NEURL1B: variants seen among roughly 807,000 people sequenced by gnomAD.
NEURL1B encodes neuralized E3 ubiquitin protein ligase 1B.
In NEURL1B, 13 loss-of-function variants were observed where a neutral mutation model predicts 37.4. The ratio of observed to expected loss-of-function variants is 0.35; its 90% CI spans 0.23 to 0.55. NEURL1B has a LOEUF of 0.55. NEURL1B is among the 20% of genes least tolerant of loss of function. The pLI is 0.89. For synonymous variants in NEURL1B, 432 were observed against 426.6 expected (o/e 1.01, Z -0.16); for missense variants, 790 against 879.2 (o/e 0.90, Z 1.28).
intron 2 of NEURL1B, 116 bp downstream of exon 2, chr5:172,670,446 ACT>A: frequency 1.2e-6 from 1 of 833,148 alleles, no homozygotes; most frequent in Non-Finnish European, 1.6e-6. Context: ...CAGGCGTGGC[ACT>A]AAGCGCTTTA....
chr5:172,674,139 CAAAA>C (rs112362262), intron 2 of NEURL1B, among the ~76,000 whole-genome samples: 1 of 144,394 alleles, frequency 6.9e-6, no homozygotes, highest in African/African-American at 2.5e-5. Flanking sequence ...AACTCCATCT[CAAAA>C]AAAAAAAATT....
intron 3 of NEURL1B, 91 bp downstream of exon 3, chr5:172,684,229 C>T (rs76010719): frequency 0.13 from 143,249 of 1,069,836 alleles, 10,390 homozygotes; most frequent in East Asian, 0.25. Flanking sequence ...CCCCGCCCCT[C>T]TCGCTAGGCG....
rs1004356083 is a variant in NEURL1B at position 172,687,075 on chromosome 5, A to G, written c.*150A>G. ...GTGACAGTCGTGGAGCGAGGCCCAC[A>G]GGGCCTCAGCCCAGGCAGGGGTTGC... On this transcript the variant is annotated 3_prime_UTR_variant, in exon 5 of 5. Transcript: ENST00000369800. 21 of 937,864 alleles carry G rather than the reference A, an allele frequency of 2.2e-5. No homozygotes were observed. The highest frequency in any genetic ancestry group is 1.3e-4 in the African/African-American group (8 of 60,224). 58.1% of individuals were successfully genotyped at this position (937,864 alleles called of 1,614,324 possible).
chr5:172,687,510 G>A lies in NEURL1B; in HGVS notation c.*585G>A, dbSNP rs1269890977. 6.6e-6 allele frequency: 1 copy of A among 152,576 alleles called. No individual in the cohort carries two copies. Among genetic ancestry groups the A allele is most frequent in the Non-Finnish European group, 1.5e-5 (1 of 68,416 alleles). The allele number at this position is 152,576 out of a possible 1,614,324, so 9.5% of individuals were successfully genotyped here. A position where few individuals can be genotyped will look rare whatever the true frequency, so the allele number is the denominator to read the frequency against. On this transcript the variant is annotated 3_prime_UTR_variant, in exon 5 of 5. Transcript: ENST00000369800. ...AAGAGATGCTCAGATTTTCTAAGGG[G>A]AGGCAAAAATAACTCATTGTTTACA...
At chr5:172,668,557 A>C (rs1758059143) in intron 1 of NEURL1B, among the ~76,000 whole-genome samples, 1 of 151,466 alleles carries the variant, frequency 6.6e-6, no homozygotes, top group Non-Finnish European at 1.5e-5. Context: ...AAACCCCCCC[A>C]CTTCCACTCT....
chr5:172,677,309 C>T (rs989617962), intron 2 of NEURL1B, among the ~76,000 whole-genome samples: 6 of 152,178 alleles, frequency 3.9e-5, no homozygotes, highest in Non-Finnish European at 8.8e-5. Context: ...GCGAGACCGC[C>T]GCTGCATGGC....
intron 1 of NEURL1B, among the ~76,000 whole-genome samples, chr5:172,642,414 A>G (rs1757481677): frequency 6.6e-6 from 1 of 152,154 alleles, no homozygotes; most frequent in Non-Finnish European, 1.5e-5. Flanking sequence ...GGGCCTTTGT[A>G]GCATCCTTTG....
rs1399179865 is a variant in NEURL1B at position 172,683,320 on chromosome 5, G to T, written c.578-99G>T. On this transcript the variant is annotated intron_variant, in intron 2 of 4. Transcript: ENST00000369800. This position sits in a 1 kb window ranked among gnomAD's most constrained non-coding sequence, Gnocchi z 5.6. ...GTGGGGGCTGCTCGAGGCCCGGGTC[G>T]GTCGTGGAGGCCTGCAGGAGGCAGC... 2.4e-6 allele frequency: 3 copies of T among 1,229,176 alleles called. No individual in the cohort carries two copies. Among genetic ancestry groups the T allele is most frequent in the South Asian group, 3.2e-5 (1 of 31,670 alleles). The allele number at this position is 1,229,176 out of a possible 1,614,324, so 76.1% of individuals were successfully genotyped here.
chr5:172,661,361 T>C lies in NEURL1B; in HGVS notation c.32-8424T>C, dbSNP rs886234935. 6.6e-6 allele frequency among the ~76,000 whole-genome samples: 1 copy of C among 152,120 alleles called. No homozygotes were observed. Among genetic ancestry groups the C allele is most frequent in the African/African-American group, 2.4e-5 (1 of 41,424 alleles). On this transcript the variant is annotated intron_variant, in intron 1 of 4. Transcript: ENST00000369800. The surrounding 1 kb of genome is among the most constrained non-coding windows in gnomAD (Gnocchi z 4.0). Reference sequence around the variant, plus strand: ...TATGTTTCTGGCGGGGAAGCCTCTATAGATTTTATTGCTTCTAACAAGGTC... The same window carrying C: ...TATGTTTCTGGCGGGGAAGCCTCTACAGATTTTATTGCTTCTAACAAGGTC...
intron 1 of NEURL1B, among the ~76,000 whole-genome samples, chr5:172,667,634 T>C (rs1758040955): frequency 6.6e-6 from 1 of 152,038 alleles, no homozygotes; most frequent in South Asian, 2.1e-4. Flanking sequence ...GCTTTACTGG[T>C]ACCTACCCCC....
intron 1 of NEURL1B, among the ~76,000 whole-genome samples, chr5:172,649,762 A>G (rs1255328903): frequency 6.6e-6 from 1 of 152,134 alleles, no homozygotes; most frequent in Non-Finnish European, 1.5e-5. Context: ...CAGGACGGTG[A>G]CGTCACCTGC....
At chr5:172,681,624 G>T (rs1464951036) in intron 2 of NEURL1B, among the ~76,000 whole-genome samples, 3 of 152,184 alleles carry the variant, frequency 2.0e-5, no homozygotes, top group Non-Finnish European at 4.4e-5. Context: ...AGCCCATTGT[G>T]GCCAGGGCAG....
At chr5:172,673,713 C>T (rs141946408) in intron 2 of NEURL1B, among the ~76,000 whole-genome samples, 277 of 151,688 alleles carry the variant, frequency 1.8e-3, no homozygotes, top group African/African-American at 6.4e-3. Flanking sequence ...ATCCTCCTGC[C>T]TCAGCCTCCC....
intron 3 of NEURL1B, among the ~76,000 whole-genome samples, chr5:172,684,521 T>TA (rs372906383): frequency 1.2e-4 from 19 of 152,320 alleles, no homozygotes; most frequent in African/African-American, 4.6e-4. Flanking sequence ...GTTCCGTTGT[T>TA]ACGATTTGTT....
intron 1 of NEURL1B, among the ~76,000 whole-genome samples, chr5:172,663,038 G>A (rs1319917386): frequency 1.0e-5 from 1 of 96,650 alleles, no homozygotes; most frequent in Non-Finnish European, 2.1e-5. Flanking sequence ...ACCAGCCCCA[G>A]CAACCCTGAC....
At chr5:172,677,662 C>A (rs545687408) in intron 2 of NEURL1B, among the ~76,000 whole-genome samples, 1 of 152,206 alleles carries the variant, frequency 6.6e-6, no homozygotes, top group Non-Finnish European at 1.5e-5. Context: ...TTGGTGCCCA[C>A]CCCCTCGGCC....
chr5:172,683,369 G>C lies in NEURL1B; in HGVS notation c.578-50G>C. The C allele has an allele frequency of 1.6e-6, 2 of 1,274,156 alleles. No individual in the cohort carries two copies. Among genetic ancestry groups the C allele is most frequent in the Non-Finnish European group, 2.0e-6 (2 of 1,006,558 alleles). 78.9% of individuals were successfully genotyped at this position (1,274,156 alleles called of 1,614,324 possible). A position where few individuals can be genotyped will look rare whatever the true frequency, so the allele number is the denominator to read the frequency against. ...GCGGGCGAGGAGGGGCTCGCGACCA[G>C]CCTGACGCGCGGCCTCTCCCCCTCC... On this transcript the variant is annotated intron_variant, in intron 2 of 4. Transcript: ENST00000369800. The surrounding 1 kb of genome is among the most constrained non-coding windows in gnomAD (Gnocchi z 5.6).
chr5:172,664,224 C>A (rs1209144927), intron 1 of NEURL1B, among the ~76,000 whole-genome samples: 1 of 152,136 alleles, frequency 6.6e-6, no homozygotes, highest in African/African-American at 2.4e-5. Context: ...GTCAGACAGG[C>A]TGGGGTCATA....
In NEURL1B at chr5:172,687,088, A is replaced by G; in HGVS notation, c.*163A>G. ...AGCGAGGCCCACAGGGCCTCAGCCC[A>G]GGCAGGGGTTGCTTCTGGCTCCAAA... On this transcript the variant is annotated 3_prime_UTR_variant, in exon 5 of 5. Transcript: ENST00000369800. 1.2e-6 allele frequency: 1 copy of G among 839,010 alleles called. No homozygotes were observed. The highest frequency in any genetic ancestry group is 1.8e-6 in the Non-Finnish European group (1 of 558,896). 52.0% of individuals were successfully genotyped at this position (839,010 alleles called of 1,614,324 possible). A position where few individuals can be genotyped will look rare whatever the true frequency, so the allele number is the denominator to read the frequency against.
Sources: gnomAD v4.1 joint callset for allele counts (sites outside exome capture counted in the v4.1 genomes callset) on GRCh38, gnomAD v4.1.1 for gene constraint, Gnocchi (gnomAD v3.1) non-coding constraint, MANE v1.5 for transcripts, NCBI Gene and HGNC (gene_info 2026-07-23, HGNC 2026-07-21) for gene names.